Variants in CUX2 observed in about 807,000 individuals in gnomAD.
CUX2 encodes the protein cut like homeobox 2, also known as homeobox protein cut-like 2.
In CUX2, 40 loss-of-function variants were observed where a neutral mutation model predicts 144.8. The observed-to-expected ratio is 0.28, with a 90% CI of 0.21 to 0.36. The LOEUF is 0.36. CUX2 is among the 10% of genes least tolerant of loss of function. The pLI is 1.00. For missense variants in CUX2, 1,615 were observed against 1,994.0 expected (o/e 0.81, Z 3.62); for synonymous variants, 827 against 875.6 (o/e 0.94, Z 0.98).
chr12:111,100,046 C>T (rs1450087164), intron 1 of CUX2: 4 of 456,674 alleles, frequency 8.8e-6, no homozygotes, highest in African/African-American at 4.0e-5. Flanking sequence ...GACGGGCCCT[C>T]GGAGCGGGGC....
intron 1 of CUX2, among the ~76,000 whole-genome samples, chr12:111,170,681 C>A (rs1218964307): frequency 6.7e-6 from 1 of 149,602 alleles, no homozygotes; most frequent in Non-Finnish European, 1.5e-5. Flanking sequence ...AGCCTGGGTT[C>A]TTTTCAACAT....
rs567026134 is a variant in CUX2, at chr12:111,230,839, G to A, written c.222+12902G>A. On this transcript the variant is annotated intron_variant, in intron 3 of 21. Transcript: ENST00000261726. The stretch of plus-strand genomic sequence containing the variant: ...TTTCTGTGGTGTAAATATTCCCACC[G>A]TGGCCAATTTCAAGCTGCAAACATG... 4.6e-5 allele frequency among the ~76,000 whole-genome samples: 7 copies of A among 152,270 alleles called. No homozygotes were observed. In the East Asian group the frequency reaches 5.8e-4, roughly 13 times the overall value.
At chr12:111,219,419 AC>A (rs1881726806) in intron 3 of CUX2, among the ~76,000 whole-genome samples, 2 of 151,662 alleles carry the variant, frequency 1.3e-5, no homozygotes, top group African/African-American at 4.8e-5. Context: ...CCATCTACCA[AC>A]TCCTAGTCCC....
chr12:111,191,306 ATTATTTAT>A (rs200077725), intron 1 of CUX2, among the ~76,000 whole-genome samples: 28,047 of 146,696 alleles, frequency 0.19, 3,172 homozygotes, highest in East Asian at 0.45. Flanking sequence ...TTATTCTTTT[ATTATTTAT>A]TTATTTATTT....
intron 3 of CUX2, among the ~76,000 whole-genome samples, chr12:111,242,753 G>T (rs940594999): frequency 6.6e-6 from 1 of 152,190 alleles, no homozygotes; most frequent in Non-Finnish European, 1.5e-5. Flanking sequence ...GGCAGAGGTT[G>T]CAGTGAGTCG....
intron 3 of CUX2, among the ~76,000 whole-genome samples, chr12:111,262,415 ATT>A (rs1884175043): frequency 1.4e-5 from 2 of 140,898 alleles, no homozygotes; most frequent in Admixed American, 7.5e-5. Context: ...GTCTCACTCT[ATT>A]GCCCAGGCTG....
At chr12:111,286,301 C>G (rs1885376800) in intron 4 of CUX2, among the ~76,000 whole-genome samples, 1 of 152,216 alleles carries the variant, frequency 6.6e-6, no homozygotes, top group African/African-American at 2.4e-5. Flanking sequence ...TCCTTAACCA[C>G]CCTACACATG....
rs990505751 is a variant in CUX2, at chr12:111,154,967, G to A, written c.64-59233G>A. On this transcript the variant is annotated intron_variant, in intron 1 of 21. Coordinates refer to ENST00000261726, the MANE Select transcript of CUX2 (RefSeq NM_015267.4). Reference sequence around the variant, plus strand: ...TCCTGGCTCTGTCACTGCTGCTGTGGTAGGTGCTATGGGGCAAGTCAGGCA... The same window carrying A: ...TCCTGGCTCTGTCACTGCTGCTGTGATAGGTGCTATGGGGCAAGTCAGGCA... Among the ~76,000 whole-genome samples, 3 of 152,182 alleles carry A rather than the reference G, an allele frequency of 2.0e-5. No individual in the cohort carries two copies. The South Asian group carries it at 6.2e-4, about 32-fold the overall frequency.
chr12:111,045,231 G>T (rs1200851111), intron 1 of CUX2, among the ~76,000 whole-genome samples: 1 of 152,144 alleles, frequency 6.6e-6, no homozygotes, highest in African/African-American at 2.4e-5. Flanking sequence ...CATGCGCAGG[G>T]ACCCCTCGTT....
chr12:111,309,720 ACT>A (rs1886780690), intron 14 of CUX2, among the ~76,000 whole-genome samples: 3 of 114,776 alleles, frequency 2.6e-5, no homozygotes, highest in African/African-American at 6.8e-5. Context: ...GTGGTTTTTC[ACT>A]CTGTCTCTTT....
rs1408203701 is a variant in CUX2 at position 111,160,278 on chromosome 12, A to G, written c.64-53922A>G. Among the ~76,000 whole-genome samples, 1 of 152,218 alleles carries G rather than the reference A, an allele frequency of 6.6e-6. No individual in the cohort carries two copies. The highest frequency in any genetic ancestry group is 1.5e-5 in the Non-Finnish European group (1 of 68,034). On this transcript the variant is annotated intron_variant, in intron 1 of 21. Coordinates refer to ENST00000261726, the MANE Select transcript of CUX2 (RefSeq NM_015267.4). The surrounding 1 kb of genome is among the most constrained non-coding windows in gnomAD (Gnocchi z 4.1). Reference sequence around the variant, plus strand: ...ACAGCATGCCATGGTTTGGAGGGCTATTAAATGGACCCCCTAAGGCTGAGG... The same window carrying G: ...ACAGCATGCCATGGTTTGGAGGGCTGTTAAATGGACCCCCTAAGGCTGAGG...
chr12:111,211,170 A>G (rs1320794068), intron 1 of CUX2, among the ~76,000 whole-genome samples: 3 of 152,294 alleles, frequency 2.0e-5, no homozygotes, highest in Middle Eastern at 3.4e-3. Context: ...TTTACCAGTG[A>G]ACTGTGGCAA....
At position 111,310,725 on chromosome 12, in the gene CUX2, G is replaced by T; in HGVS notation, c.1900+43G>T. On this transcript the variant is annotated intron_variant, in intron 15 of 21. Coordinates refer to ENST00000261726, the MANE Select transcript of CUX2 (RefSeq NM_015267.4). This position sits in a 1 kb window ranked among gnomAD's most constrained non-coding sequence, Gnocchi z 7.9. Reference sequence around the variant, plus strand: ...CCCGTCCCCGCTGGCCACCACGCCAGGTCCAGGGCATCAGGGCTGGGGGCT... The same window carrying T: ...CCCGTCCCCGCTGGCCACCACGCCATGTCCAGGGCATCAGGGCTGGGGGCT... 6.5e-7 allele frequency: 1 copy of T among 1,543,706 alleles called. No individual in the cohort carries two copies. The highest frequency in any genetic ancestry group is 8.8e-7 in the Non-Finnish European group (1 of 1,142,364).
chr12:111,254,846 G>T (rs73414595), intron 3 of CUX2, among the ~76,000 whole-genome samples: 9,381 of 152,154 alleles, frequency 0.062, 963 homozygotes, highest in African/African-American at 0.21. Flanking sequence ...TTCCAGCCAA[G>T]CAGTCTTTTT....
At chr12:111,229,456 C>T (rs1882350516) in intron 3 of CUX2, among the ~76,000 whole-genome samples, 1 of 152,192 alleles carries the variant, frequency 6.6e-6, no homozygotes, top group Non-Finnish European at 1.5e-5. Context: ...GTGAGAAACC[C>T]ATCTTAGGTC....
intron 4 of CUX2, among the ~76,000 whole-genome samples, chr12:111,291,063 C>T (rs537640443): frequency 6.6e-6 from 1 of 152,166 alleles, no homozygotes; most frequent in South Asian, 2.1e-4. Context: ...CGGGGTTTCA[C>T]CATGTTGGTC....
chr12:111,112,603 G>A (rs1419524941), intron 1 of CUX2, among the ~76,000 whole-genome samples: 1 of 152,100 alleles, frequency 6.6e-6, no homozygotes, highest in African/African-American at 2.4e-5. Context: ...GTGTGCTTTG[G>A]GGACCTAATG....
intron 1 of CUX2, among the ~76,000 whole-genome samples, chr12:111,200,032 A>G (rs189040249): frequency 6.2e-4 from 95 of 152,152 alleles, no homozygotes; most frequent in Middle Eastern, 6.8e-3. Flanking sequence ...TCAGGAGGGG[A>G]GGTGAACAGA....
intron 1 of CUX2, among the ~76,000 whole-genome samples, chr12:111,159,916 T>C (rs2136149373): frequency 6.6e-6 from 1 of 152,272 alleles, no homozygotes; most frequent in East Asian, 1.9e-4. Context: ...TCTCAGCTTC[T>C]CTGGAGGCTG....
Sources: allele counts gnomAD v4.1 joint callset (sites outside exome capture counted in the v4.1 genomes callset), GRCh38; gene constraint gnomAD v4.1.1; non-coding constraint Gnocchi (gnomAD v3.1); transcripts MANE v1.5; gene names NCBI Gene and HGNC (gene_info 2026-07-23, HGNC 2026-07-21).